TMEM44: variants seen among roughly 807,000 people sequenced by gnomAD.
The protein encoded by TMEM44 is transmembrane protein 44.
A neutral mutation model predicts 47.8 loss-of-function variants in TMEM44; 43 were observed. The ratio of observed to expected loss-of-function variants is 0.90; its 90% confidence interval spans 0.70 to 1.16. The LOEUF (loss-of-function observed/expected upper bound fraction) is 1.16, where lower values mean the gene tolerates loss of function less well. TMEM44 is among the 50% of genes most tolerant of loss of function. TMEM44 has a pLI of 0.00. For synonymous variants in TMEM44, 277 were observed against 238.8 expected, an observed-to-expected ratio of 1.16 and a Z score of -1.48; for missense variants, 568 against 555.2, an observed-to-expected ratio of 1.02 and a Z score of -0.23.
intron 2 of TMEM44, 34 bp downstream of exon 2, chr3:194,628,349 G>A: frequency 1.9e-6 from 3 of 1,598,220 alleles, no homozygotes; most frequent in Non-Finnish European, 2.6e-6. Context: ...CTTAGTGCTG[G>A]CCTAAGCCAC....
intron 2 of TMEM44, 74 bp downstream of exon 2, chr3:194,628,309 G>C (rs113187162): frequency 6.5e-7 from 1 of 1,533,666 alleles, no homozygotes; most frequent in Non-Finnish European, 8.8e-7. Flanking sequence ...AAGCCACCAC[G>C]GCTGCAGCAG....
In TMEM44 at chr3:194,633,106, G is replaced by A; in HGVS notation, c.110C>T (p.Ser37Phe). The A allele has an allele frequency of 6.5e-7, 1 of 1,550,256 alleles. No individual in the cohort carries two copies. Among genetic ancestry groups the A allele is most frequent in the Non-Finnish European group, 8.7e-7 (1 of 1,147,414 alleles). The change falls in exon 1 of 10, where the codon TCC becomes TTC. Residue 37 changes from serine to phenylalanine, a missense_variant. Coordinates refer to ENST00000347147, the MANE Select transcript of TMEM44 (RefSeq NM_001011655.3). ...CISFGLWICA[S>F]SCWIAAHALL... ...CGCGTGGGCGGCGATCCAGCAGGAG[G>A]AGGCGCAGATCCACAGGCCGAAGGA... is the stretch of plus-strand genomic sequence containing the variant.
chr3:194,611,909 C>T lies in TMEM44; in HGVS notation c.913-889G>A, dbSNP rs182897382. Among the ~76,000 whole-genome samples the T allele has an allele frequency of 8.9e-4, 135 of 152,204 alleles. 1 individual carries two copies. In the East Asian group the frequency reaches 0.024, roughly 27 times the overall value. ...AGGTGGCGTGTGTCTGTAATCCTAG[C>T]TACGTGGGAGGCGGAGGCAGGAGAA... is the stretch of plus-strand genomic sequence containing the variant. On this transcript the variant is annotated intron_variant, in intron 7 of 9. Coordinates refer to ENST00000347147, the MANE Select transcript of TMEM44 (RefSeq NM_001011655.3). This position sits in a 1 kb window ranked among gnomAD's most constrained non-coding sequence, Gnocchi z 4.2.
At position 194,617,156 on chromosome 3, in the gene TMEM44, C is replaced by G; in HGVS notation, c.726G>C (p.Leu242=). The change falls in exon 6 of 10, where the codon CTG becomes CTC. Residue 242 remains leucine, a synonymous_variant. Transcript: ENST00000347147. ...IVAHDQHPEY[L]LRATPWFLTS... ...TCAGGAACCAGGGTGTGGCCCGCAG[C>G]AGGTACTCAGGGTGCTGGTCGTGGG... The G allele has an allele frequency of 1.9e-6, 3 of 1,558,772 alleles. No individual in the cohort carries two copies. Among genetic ancestry groups the G allele is most frequent in the Non-Finnish European group, 2.6e-6 (3 of 1,152,050 alleles).
intron 7 of TMEM44, among the ~76,000 whole-genome samples, chr3:194,612,830 A>T (rs1304896426): frequency 4.0e-5 from 6 of 151,310 alleles, no homozygotes; most frequent in Admixed American, 2.6e-4. Flanking sequence ...GCGCCCAGCT[A>T]ATTTTTTGTA....
intron 9 of TMEM44, among the ~76,000 whole-genome samples, chr3:194,596,193 A>G (rs1713388304): frequency 6.6e-6 from 1 of 152,080 alleles, no homozygotes; most frequent in Non-Finnish European, 1.5e-5. Flanking sequence ...GCAGGGAAGC[A>G]TCGGGCTGGG....
At chr3:194,598,725 T>G (rs905114854) in intron 9 of TMEM44, among the ~76,000 whole-genome samples, 1 of 152,210 alleles carries the variant, frequency 6.6e-6, no homozygotes, top group Non-Finnish European at 1.5e-5. Context: ...AATTCTCCAC[T>G]TCCCCTAGCG....
chr3:194,626,938 T>TC (rs1264067463), intron 2 of TMEM44, among the ~76,000 whole-genome samples: 2 of 150,946 alleles, frequency 1.3e-5, no homozygotes, highest in African/African-American at 4.9e-5. Context: ...ATTTTTTTTT[T>TC]TTTGAGACGA....
chr3:194,605,669 C>T (rs759211954), intron 8 of TMEM44, among the ~76,000 whole-genome samples: 1 of 152,196 alleles, frequency 6.6e-6, no homozygotes, highest in Non-Finnish European at 1.5e-5. Flanking sequence ...GTCCCTCCCA[C>T]AACACGTGGG....
At chr3:194,632,927 C>T (rs1717970295) in intron 1 of TMEM44, 152 bp downstream of exon 1, 1 of 1,146,592 alleles carries the variant, frequency 8.7e-7, no homozygotes. Flanking sequence ...GATCCCACTT[C>T]AGTCTACAGA....
intron 5 of TMEM44, among the ~76,000 whole-genome samples, chr3:194,621,172 A>C (rs909355830): frequency 2.0e-5 from 3 of 152,122 alleles, no homozygotes; most frequent in Non-Finnish European, 4.4e-5. Context: ...AAAAGGAGCA[A>C]GTCGGACACA....
intron 9 of TMEM44, among the ~76,000 whole-genome samples, chr3:194,599,249 C>T (rs1713778875): frequency 6.6e-6 from 1 of 152,150 alleles, no homozygotes; most frequent in Non-Finnish European, 1.5e-5. Context: ...GTGCCTGCCA[C>T]CCTATGCGGT....
At chr3:194,631,169 G>GT (rs1717783921) in intron 1 of TMEM44, among the ~76,000 whole-genome samples, 2 of 150,632 alleles carry the variant, frequency 1.3e-5, no homozygotes, top group African/African-American at 4.9e-5. Context: ...GGGGCTGGCT[G>GT]TTTCCCTCAG....
intron 6 of TMEM44, 109 bp downstream of exon 6, chr3:194,616,990 G>C: frequency 2.4e-6 from 3 of 1,233,080 alleles, no homozygotes; most frequent in Non-Finnish European, 3.3e-6. Flanking sequence ...ACTGCTGGGA[G>C]AGTTCCATCT....
At chr3:194,613,626 G>A (rs1715567675) in intron 7 of TMEM44, among the ~76,000 whole-genome samples, 1 of 151,160 alleles carries the variant, frequency 6.6e-6, no homozygotes, top group African/African-American at 2.4e-5. Flanking sequence ...CTGAGTAGCT[G>A]GAATTACAGG....
chr3:194,603,318 G>A (rs1319897042), intron 9 of TMEM44, among the ~76,000 whole-genome samples: 2 of 152,236 alleles, frequency 1.3e-5, no homozygotes, highest in South Asian at 4.1e-4. Context: ...ACTTGTGTAT[G>A]GCCCCACTAA....
At chr3:194,625,641 C>T (rs535930223) in intron 3 of TMEM44, among the ~76,000 whole-genome samples, 5 of 152,086 alleles carry the variant, frequency 3.3e-5, no homozygotes, top group Admixed American at 6.6e-5. Context: ...CCACCACACC[C>T]GGCTAGTTTT....
At chr3:194,631,379 C>T (rs1717812375) in intron 1 of TMEM44, among the ~76,000 whole-genome samples, 1 of 151,656 alleles carries the variant, frequency 6.6e-6, no homozygotes, top group Non-Finnish European at 1.5e-5. Flanking sequence ...ATTCCACATC[C>T]TTAGGACGAT....
chr3:194,591,317 A>G (rs560404646), intron 9 of TMEM44, among the ~76,000 whole-genome samples: 6 of 151,904 alleles, frequency 3.9e-5, no homozygotes, highest in Admixed American at 3.3e-4. Context: ...ACATGGTGAA[A>G]CCCCATCTCT....
Sources: allele counts gnomAD v4.1 joint callset (sites outside exome capture counted in the v4.1 genomes callset), GRCh38; gene constraint gnomAD v4.1.1; non-coding constraint Gnocchi (gnomAD v3.1); transcripts MANE v1.5; gene names NCBI Gene and HGNC (gene_info 2026-07-23, HGNC 2026-07-21).